The following TBCE variants were observed in gnomAD, a reference collection of about 807,000 sequenced individuals.
TBCE encodes tubulin folding cofactor E, also known as tubulin-specific chaperone E.
TBCE carries 53 observed loss-of-function variants against 77.0 expected under a neutral mutation model. The observed-to-expected ratio is 0.69, with a 90% CI of 0.55 to 0.87. TBCE has a LOEUF of 0.87. TBCE is among the 40% of genes least tolerant of loss of function. TBCE has a pLI of 0.00. For synonymous variants in TBCE, 235 were observed against 241.3 expected, an observed-to-expected ratio of 0.97 and a Z score of 0.24; for missense variants, 624 against 622.4, an observed-to-expected ratio of 1.00 and a Z score of -0.03.
At chr1:235,432,982 G>A (rs779435096) in intron 7 of TBCE, 84 of 1,496,600 alleles carry the variant, frequency 5.6e-5, no homozygotes, top group African/African-American at 3.0e-4. Context: ...GCACGGTCTC[G>A]ACATGCAGAA....
intron 13 of TBCE, among the ~76,000 whole-genome samples, chr1:235,439,836 C>T (rs1379793214): frequency 2.0e-5 from 3 of 151,916 alleles, no homozygotes; most frequent in Admixed American, 2.0e-4. Flanking sequence ...GAGTCTTGCT[C>T]TGTCACCCAG....
rs563482935 is a variant in TBCE at position 235,430,794 on chromosome 1, C to A, written c.650C>A (p.Thr217Lys). The A allele has an allele frequency of 6.2e-7, 1 of 1,612,854 alleles. No homozygotes were observed. The highest frequency in any genetic ancestry group is 8.5e-7 in the Non-Finnish European group (1 of 1,179,162). Residue 217 changes from threonine (T) to lysine (K), a missense_variant, in exon 7 of 17, where the codon ACG (threonine) becomes AAG (lysine). Physicochemically the swap from Thr to Lys is moderately conservative, Grantham distance 78. Transcript: ENST00000642610. ...KVLVLNQTGI[T>K]WAEVLRCVAG... ...TTAGTCCTCAATCAAACAGGAATAA[C>A]GTGGGCTGAGGTAATCATATTTCTT...
chr1:235,424,294 G>GCT (rs1196575453), intron 5 of TBCE, among the ~76,000 whole-genome samples: 3 of 150,926 alleles, frequency 2.0e-5, no homozygotes, highest in Non-Finnish European at 4.4e-5. Context: ...TGTCACTGCT[G>GCT]CTGTTGTTAT....
At position 235,450,219 on chromosome 1, in the gene TBCE, C is replaced by T; in HGVS notation, c.*1457C>T. ...TTCAAGTCCCTGTTATCTTGCTTGA[C>T]ATCGACAAGGATCACCGCACCGTTC... On this transcript the variant is annotated 3_prime_UTR_variant, in exon 17 of 17. Coordinates refer to ENST00000642610, the MANE Select transcript of TBCE (RefSeq NM_003193.5). The T allele has an allele frequency of 6.2e-7, 1 of 1,614,126 alleles. No individual in the cohort carries two copies. The highest frequency in any genetic ancestry group is 1.1e-5 in the South Asian group (1 of 91,086).
intron 1 of TBCE, among the ~76,000 whole-genome samples, chr1:235,368,799 C>A (rs1387217652): frequency 1.3e-5 from 2 of 151,778 alleles, no homozygotes; most frequent in African/African-American, 4.8e-5. Context: ...GGCCTGACTT[C>A]AGGTGATCCA....
intron 2 of TBCE, among the ~76,000 whole-genome samples, chr1:235,385,182 C>CA (rs917252148): frequency 2.0e-5 from 3 of 152,092 alleles, no homozygotes; most frequent in Non-Finnish European, 2.9e-5. Flanking sequence ...GTCTGAGAGA[C>CA]AGTTTGTTAT....
At chr1:235,376,375 G>C (rs191721703) in intron 1 of TBCE, among the ~76,000 whole-genome samples, 42 of 152,250 alleles carry the variant, frequency 2.8e-4, no homozygotes, top group African/African-American at 9.6e-4. Flanking sequence ...GCAGGGTGAT[G>C]TAGTAGTACC....
chr1:235,409,234 A>G (rs1242001297), intron 3 of TBCE, among the ~76,000 whole-genome samples: 1 of 152,136 alleles, frequency 6.6e-6, no homozygotes, highest in Non-Finnish European at 1.5e-5. Context: ...TACCAGCAGC[A>G]TGTGTAATTG....
chr1:235,406,835 T>C (rs1462074994), intron 3 of TBCE, among the ~76,000 whole-genome samples: 1 of 143,162 alleles, frequency 7.0e-6, no homozygotes, highest in Non-Finnish European at 1.5e-5. Flanking sequence ...TGGGCTTTTT[T>C]TTTTTTTTTT....
At chr1:235,409,629 C>G (rs1679655172) in intron 3 of TBCE, among the ~76,000 whole-genome samples, 1 of 151,608 alleles carries the variant, frequency 6.6e-6, no homozygotes, top group African/African-American at 2.4e-5. Flanking sequence ...TCCTAACTCT[C>G]CTTTCATCTG....
chr1:235,439,510 G>A (rs1266672135), intron 13 of TBCE, among the ~76,000 whole-genome samples: 1 of 151,528 alleles, frequency 6.6e-6, no homozygotes, highest in Non-Finnish European at 1.5e-5. Context: ...CAAAAAAAGA[G>A]AGATGGAGTC....
intron 3 of TBCE, among the ~76,000 whole-genome samples, chr1:235,404,023 A>G (rs1679271890): frequency 6.6e-6 from 1 of 152,236 alleles, no homozygotes; most frequent in Non-Finnish European, 1.5e-5. Flanking sequence ...TCACGCCTGT[A>G]ATCCCAGCAC....
At chr1:235,410,087 C>T (rs1013243728) in intron 3 of TBCE, among the ~76,000 whole-genome samples, 6 of 148,544 alleles carry the variant, frequency 4.0e-5, no homozygotes, top group East Asian at 2.0e-4. Flanking sequence ...TGGTGTTGCA[C>T]GCCTGTAATC....
intron 1 of TBCE, among the ~76,000 whole-genome samples, chr1:235,370,419 AT>A (rs1330228638): frequency 2.0e-5 from 3 of 150,556 alleles, no homozygotes; most frequent in Admixed American, 6.6e-5. Flanking sequence ...TGCCTGGCTA[AT>A]TTTTGTATTT....
intron 4 of TBCE, among the ~76,000 whole-genome samples, chr1:235,417,935 G>A (rs1254844284): frequency 6.6e-6 from 1 of 152,012 alleles, no homozygotes; most frequent in Non-Finnish European, 1.5e-5. Context: ...CCCCCACTAT[G>A]CCAGGCTAAT....
chr1:235,396,046 ATTTTCT>A (rs1241390572), intron 2 of TBCE, among the ~76,000 whole-genome samples: 5 of 150,760 alleles, frequency 3.3e-5, no homozygotes, highest in East Asian at 3.9e-4. Context: ...GTATGTGTTT[ATTTTCT>A]TTTTCTTTTT....
intron 1 of TBCE, among the ~76,000 whole-genome samples, chr1:235,368,087 G>A (rs1676659250): frequency 6.6e-6 from 1 of 152,040 alleles, no homozygotes; most frequent in South Asian, 2.1e-4. Flanking sequence ...TGTATTTTTA[G>A]TAGAGACAGG....
intron 3 of TBCE, among the ~76,000 whole-genome samples, chr1:235,403,295 C>G (rs1001101477): frequency 6.6e-6 from 1 of 152,150 alleles, no homozygotes; most frequent in Non-Finnish European, 1.5e-5. Flanking sequence ...CAACCTCCAC[C>G]TCCCTGGTTC....
At chr1:235,414,984 C>T (rs911198842) in intron 4 of TBCE, 6 of 314,584 alleles carry the variant, frequency 1.9e-5, no homozygotes, top group Admixed American at 1.3e-4. Flanking sequence ...TTCCCTATGC[C>T]GTGGAGCGTG....
Sources: allele counts gnomAD v4.1 joint callset (sites outside exome capture counted in the v4.1 genomes callset), GRCh38; gene constraint gnomAD v4.1.1; transcripts MANE v1.5; gene names NCBI Gene and HGNC (gene_info 2026-07-23, HGNC 2026-07-21).